Variants in GPA33 observed in about 807,000 individuals in gnomAD.
GPA33 encodes the protein cell surface A33 antigen.
In GPA33, 27 loss-of-function variants were observed where a neutral mutation model predicts 35.6. The observed-to-expected ratio is 0.76, with a 90% CI of 0.56 to 1.04. The LOEUF is 1.04. Ranked by LOEUF, GPA33 falls within the 50% of genes least tolerant of loss-of-function variation. The pLI is 0.00. For synonymous variants in GPA33, 176 were observed against 164.0 expected, an observed-to-expected ratio of 1.07 and a Z score of -0.56; for missense variants, 428 against 411.9, an observed-to-expected ratio of 1.04 and a Z score of -0.34.
chr1:167,054,772 A>G (rs1031289822), intron 6 of GPA33, among the ~76,000 whole-genome samples: 1 of 152,194 alleles, frequency 6.6e-6, no homozygotes, highest in African/African-American at 2.4e-5. Context: ...CTGAGCTCCC[A>G]GACTGGAAAA....
chr1:167,064,310 A>G (rs543319188), intron 3 of GPA33, among the ~76,000 whole-genome samples: 85 of 119,774 alleles, frequency 7.1e-4, no homozygotes, highest in Non-Finnish European at 1.3e-3. Context: ...AGAAAAAAAG[A>G]AAAAGAAAGA....
chr1:167,082,310 C>T (rs1429960689), intron 1 of GPA33: 3 of 456,240 alleles, frequency 6.6e-6, no homozygotes, highest in South Asian at 4.6e-5. Flanking sequence ...TTCCCAAATG[C>T]TCTGCAACAA....
chr1:167,060,207 G>A (rs1666405717), intron 4 of GPA33, among the ~76,000 whole-genome samples: 1 of 152,118 alleles, frequency 6.6e-6, no homozygotes, highest in Admixed American at 6.5e-5. Context: ...CAAGTAGCTG[G>A]GACTACAGGC....
chr1:167,065,908 G>A (rs544059734), intron 3 of GPA33, among the ~76,000 whole-genome samples: 1 of 152,024 alleles, frequency 6.6e-6, no homozygotes, highest in South Asian at 2.1e-4. Context: ...GGGAGTCTGC[G>A]GCTTAAGGAC....
intron 4 of GPA33, among the ~76,000 whole-genome samples, chr1:167,060,801 T>G (rs1472213583): frequency 6.6e-6 from 1 of 152,144 alleles, no homozygotes; most frequent in Non-Finnish European, 1.5e-5. Flanking sequence ...GCACAGGCTC[T>G]TCATGATTTC....
At chr1:167,070,840 G>T (rs541117756) in intron 2 of GPA33, among the ~76,000 whole-genome samples, 30 of 152,344 alleles carry the variant, frequency 2.0e-4, no homozygotes, top group Admixed American at 3.9e-4. Flanking sequence ...AGATCCGATG[G>T]ACAGAGTAAG....
At chr1:167,063,957 G>A (rs1666529106) in intron 3 of GPA33, among the ~76,000 whole-genome samples, 1 of 152,156 alleles carries the variant, frequency 6.6e-6, no homozygotes, top group Non-Finnish European at 1.5e-5. Context: ...ACATATGCTG[G>A]GAAGCATTGC....
chr1:167,082,298 A>G, intron 1 of GPA33: 1 of 456,238 alleles, frequency 2.2e-6, no homozygotes, highest in Non-Finnish European at 4.4e-6. Flanking sequence ...GTGTACTTTT[A>G]TTTCCCAAAT....
At chr1:167,072,861 T>C (rs1332600811) in intron 2 of GPA33, among the ~76,000 whole-genome samples, 2 of 147,856 alleles carry the variant, frequency 1.4e-5, no homozygotes, top group South Asian at 2.2e-4. Flanking sequence ...TGCCTGGGGG[T>C]GGAGGAAAGT....
intron 4 of GPA33, among the ~76,000 whole-genome samples, chr1:167,056,179 A>G (rs1666246194): frequency 1.3e-5 from 2 of 152,238 alleles, no homozygotes; most frequent in South Asian, 4.1e-4. Context: ...GGTACTTGCA[A>G]GCATAAAATG....
In GPA33 at chr1:167,054,048, C is replaced by T. The variant is rs569207400; in HGVS notation, c.*286G>A. The T allele has an allele frequency of 1.9e-5, 8 of 428,618 alleles. No homozygotes were observed. Among genetic ancestry groups the T allele is most frequent in the East Asian group, 4.7e-5 (1 of 21,474 alleles). 26.6% of individuals were successfully genotyped at this position (428,618 alleles called of 1,614,324 possible). ...TGCTTCCAGGAGCTCCTGCCAACTA[C>T]GAGGGAAGTGGAGGCTGCAGCCTGG... is the stretch of plus-strand genomic sequence containing the variant. On this transcript the variant is annotated 3_prime_UTR_variant, in exon 7 of 7. Transcript: ENST00000367868.
chr1:167,064,469 A>G (rs912784110), intron 3 of GPA33, among the ~76,000 whole-genome samples: 1 of 152,088 alleles, frequency 6.6e-6, no homozygotes, highest in Non-Finnish European at 1.5e-5. Context: ...CCACTAATTC[A>G]TTTGTGCCAT....
chr1:167,074,850 T>C (rs916656439), intron 1 of GPA33, among the ~76,000 whole-genome samples: 1 of 151,706 alleles, frequency 6.6e-6, no homozygotes, highest in Non-Finnish European at 1.5e-5. Context: ...TATTTTGCTC[T>C]GAATGAAGTG....
chr1:167,079,536 G>A (rs919411608), intron 1 of GPA33, among the ~76,000 whole-genome samples: 1 of 151,410 alleles, frequency 6.6e-6, no homozygotes, highest in African/African-American at 2.4e-5. Context: ...TGTGGAAAAT[G>A]TGGAGCACTC....
intron 1 of GPA33, among the ~76,000 whole-genome samples, chr1:167,085,122 G>A (rs567091054): frequency 3.9e-4 from 59 of 152,342 alleles, no homozygotes; most frequent in African/African-American, 1.3e-3. Flanking sequence ...AAATTTATAA[G>A]TCAGCTGGGA....
At chr1:167,083,223 G>A (rs1666986305) in intron 1 of GPA33, among the ~76,000 whole-genome samples, 1 of 152,202 alleles carries the variant, frequency 6.6e-6, no homozygotes, top group Admixed American at 6.5e-5. Flanking sequence ...AACCTGTGGA[G>A]TAATCCATCT....
At chr1:167,075,131 C>A (rs796164592) in intron 1 of GPA33, among the ~76,000 whole-genome samples, 6 of 151,994 alleles carry the variant, frequency 3.9e-5, no homozygotes, top group African/African-American at 1.2e-4. Context: ...GAACTCCTGA[C>A]CTCAGGTGAT....
chr1:167,064,484 G>A (rs965377695), intron 3 of GPA33, among the ~76,000 whole-genome samples: 13 of 152,036 alleles, frequency 8.6e-5, no homozygotes, highest in Non-Finnish European at 1.5e-5. Flanking sequence ...TGCCATTTTG[G>A]GAAAATCCTC....
At chr1:167,066,017 T>G (rs543048993) in intron 3 of GPA33, among the ~76,000 whole-genome samples, 8 of 152,254 alleles carry the variant, frequency 5.3e-5, no homozygotes, top group Admixed American at 1.3e-4. Flanking sequence ...GAGCCAAGCT[T>G]TATCTCTTGA....
Sources: allele counts gnomAD v4.1 joint callset (sites outside exome capture counted in the v4.1 genomes callset), GRCh38; gene constraint gnomAD v4.1.1; transcripts MANE v1.5; gene names NCBI Gene and HGNC (gene_info 2026-07-23, HGNC 2026-07-21).